AIG1: variants seen among roughly 807,000 people sequenced by gnomAD.
AIG1 encodes androgen-induced gene 1 protein.
In AIG1, 23 loss-of-function variants were observed where a neutral mutation model predicts 31.4. That is an observed-to-expected ratio of 0.73 (90% CI 0.53 to 1.04). The LOEUF is 1.04. AIG1 is among the 50% of genes least tolerant of loss of function. AIG1 has a pLI of 0.00. For missense variants in AIG1, 274 were observed against 295.0 expected (o/e 0.93, Z 0.52); for synonymous variants, 100 against 110.5 (o/e 0.90, Z 0.60).
rs575552551 is a variant in AIG1 at position 143,250,752 on chromosome 6, G to A, written c.400-33358G>A. Among the ~76,000 whole-genome samples the A allele has an allele frequency of 5.3e-5, 8 of 152,124 alleles. 1 individual carries two copies. The South Asian group carries it at 1.5e-3, about 28-fold the overall frequency. ...AACCCACAGCCCATGGGCCACTTGC[G>A]GCCCAGGACAGCTTTGAATGCACCC... is the stretch of plus-strand genomic sequence containing the variant. On this transcript the variant is annotated intron_variant, in intron 3 of 5. Transcript: ENST00000357847.
At chr6:143,105,173 C>T (rs1780689815) in intron 1 of AIG1, among the ~76,000 whole-genome samples, 1 of 152,152 alleles carries the variant, frequency 6.6e-6, no homozygotes, top group Admixed American at 6.5e-5. Flanking sequence ...CAGGGTAAGA[C>T]AGATGGTTAA....
intron 2 of AIG1, among the ~76,000 whole-genome samples, chr6:143,161,178 A>C (rs1177873580): frequency 1.3e-5 from 2 of 152,174 alleles, no homozygotes; most frequent in Non-Finnish European, 2.9e-5. Context: ...ATAATGACCA[A>C]AATCAACTCA....
At chr6:143,088,998 G>A (rs1038874879) in intron 1 of AIG1, among the ~76,000 whole-genome samples, 1 of 152,096 alleles carries the variant, frequency 6.6e-6, no homozygotes, top group African/African-American at 2.4e-5. Context: ...ATCACTGGAG[G>A]TCAGGAGTTC....
intron 4 of AIG1, among the ~76,000 whole-genome samples, chr6:143,312,121 A>G (rs1445469826): frequency 2.0e-5 from 3 of 152,122 alleles, no homozygotes; most frequent in African/African-American, 7.2e-5. Flanking sequence ...TATTATTAAA[A>G]TGTTCATACT....
In AIG1 at chr6:143,229,784, C is replaced by CAAAAAAAAAAAAAAAAAAAAAAAA. The variant is rs751464049; in HGVS notation, c.400-54306_400-54305insAAAAAAAAAAAAAAAAAAAAAAAA. On this transcript the variant is annotated intron_variant, in intron 3 of 5. Transcript: ENST00000357847. ...GCCTCTCGTTTCTGGACTCTCAGAA[C>CAAAAAAAAAAAAAAAAAAAAAAAA]AAAAAAAAAAAAAAAAAAAAGGATC... Among the ~76,000 whole-genome samples, 2 of 80,712 alleles carry CAAAAAAAAAAAAAAAAAAAAAAAA rather than the reference C, an allele frequency of 2.5e-5. 1 individual carries two copies. Among genetic ancestry groups the CAAAAAAAAAAAAAAAAAAAAAAAA allele is most frequent in the Non-Finnish European group, 5.7e-5 (2 of 34,954 alleles). 53.0% of individuals were successfully genotyped at this position (80,712 alleles called of 152,430 possible).
At position 143,291,922 on chromosome 6, in the gene AIG1, A is replaced by G. The variant is rs1416254486; in HGVS notation, c.515+7697A>G. Among the ~76,000 whole-genome samples, 2 of 152,242 alleles carry G rather than the reference A, an allele frequency of 1.3e-5. No individual in the cohort carries two copies. The highest frequency in any genetic ancestry group is 2.9e-5 in the Non-Finnish European group (2 of 68,042). On this transcript the variant is annotated intron_variant, in intron 4 of 5. Coordinates refer to ENST00000357847, the MANE Select transcript of AIG1 (RefSeq NM_016108.4). The surrounding 1 kb of genome is among the most constrained non-coding windows in gnomAD (Gnocchi z 4.2). ...ACATGAACTGAGACATTTCTAAGGA[A>G]TCACTTTGGCCAATGTGTTAAGAGT... is the stretch of plus-strand genomic sequence containing the variant.
chr6:143,165,242 G>T, intron 3 of AIG1, 59 bp downstream of exon 3: 1 of 1,337,192 alleles, frequency 7.5e-7, no homozygotes, highest in South Asian at 1.2e-5. Context: ...AAATAGCTAT[G>T]ATCTGCTATT....
intron 1 of AIG1, among the ~76,000 whole-genome samples, chr6:143,075,343 G>A (rs1777639563): frequency 6.6e-6 from 1 of 151,668 alleles, no homozygotes; most frequent in Admixed American, 6.6e-5. Flanking sequence ...TTTGAGAAAA[G>A]GTCTCACTCT....
intron 2 of AIG1, among the ~76,000 whole-genome samples, chr6:143,143,959 A>G (rs1784507531): frequency 6.6e-6 from 1 of 152,312 alleles, no homozygotes; most frequent in Admixed American, 6.5e-5. Flanking sequence ...TAGCTTTTCA[A>G]AAGACCAAGG....
intron 2 of AIG1, among the ~76,000 whole-genome samples, chr6:143,157,653 A>G (rs1489216904): frequency 2.0e-5 from 3 of 151,834 alleles, no homozygotes; most frequent in African/African-American, 7.3e-5. Flanking sequence ...TGCTGCCTCT[A>G]ATGTGACTTT....
chr6:143,159,483 T>C (rs939583249), intron 2 of AIG1, among the ~76,000 whole-genome samples: 43 of 152,268 alleles, frequency 2.8e-4, no homozygotes, highest in African/African-American at 9.6e-4. Context: ...GGCAATTTTC[T>C]ATGTGGAGAT....
In AIG1 at chr6:143,061,362, G is replaced by C. The variant is rs970742011; in HGVS notation, c.141+296G>C. On this transcript the variant is annotated intron_variant, in intron 1 of 5. Coordinates refer to ENST00000357847, the MANE Select transcript of AIG1 (RefSeq NM_016108.4). ...GGTGGGCTCTTTGGAGGGGGACACCGAACTGCTTCTAAGAGGTGACACGGG... is the reference window on the plus strand; with the variant it reads ...GGTGGGCTCTTTGGAGGGGGACACCCAACTGCTTCTAAGAGGTGACACGGG... 7 of 536,270 alleles carry C rather than the reference G, an allele frequency of 1.3e-5. No individual in the cohort carries two copies. The African/African-American group carries it at 1.3e-4, about 10-fold the overall frequency. The allele number at this position is 536,270 out of a possible 1,614,324, so 33.2% of individuals were successfully genotyped here.
At chr6:143,078,019 A>G (rs1045507097) in intron 1 of AIG1, among the ~76,000 whole-genome samples, 2 of 152,066 alleles carry the variant, frequency 1.3e-5, no homozygotes, top group African/African-American at 4.8e-5. Flanking sequence ...TTTTATTATC[A>G]TTCCATAGGT....
chr6:143,059,970 GA>G (rs1775666783), upstream of AIG1, among the ~76,000 whole-genome samples: 1 of 152,102 alleles, frequency 6.6e-6, no homozygotes. Flanking sequence ...TGTAGTGTAA[GA>G]AAAAAGTAAG....
chr6:143,096,412 CT>C (rs1271804122), intron 1 of AIG1, among the ~76,000 whole-genome samples: 1 of 152,190 alleles, frequency 6.6e-6, no homozygotes, highest in Non-Finnish European at 1.5e-5. Context: ...TAAGGTATCT[CT>C]TCTGAAATTT....
intron 2 of AIG1, among the ~76,000 whole-genome samples, chr6:143,138,570 C>T (rs533547096): frequency 7.5e-4 from 114 of 152,094 alleles, no homozygotes; most frequent in African/African-American, 1.8e-3. Context: ...TGGAAGCCTT[C>T]GTTGGCTAGA....
At chr6:143,211,127 C>T (rs1389171412) in intron 3 of AIG1, among the ~76,000 whole-genome samples, 1 of 152,108 alleles carries the variant, frequency 6.6e-6, no homozygotes, top group Non-Finnish European at 1.5e-5. Flanking sequence ...GATGGGGAAA[C>T]TGAGCCTTTG....
At chr6:143,168,922 C>G (rs560203912) in intron 3 of AIG1, among the ~76,000 whole-genome samples, 1 of 151,944 alleles carries the variant, frequency 6.6e-6, no homozygotes, top group Admixed American at 6.6e-5. Flanking sequence ...ATCAGTAGAG[C>G]GAACATTTTG....
At chr6:143,075,540 A>G (rs1777659753) in intron 1 of AIG1, among the ~76,000 whole-genome samples, 1 of 152,128 alleles carries the variant, frequency 6.6e-6, no homozygotes, top group African/African-American at 2.4e-5. Flanking sequence ...TCCTAGGCTC[A>G]AGCAATCCAC....
Sources: allele counts gnomAD v4.1 joint callset (sites outside exome capture counted in the v4.1 genomes callset), GRCh38; gene constraint gnomAD v4.1.1; non-coding constraint Gnocchi (gnomAD v3.1); transcripts MANE v1.5; gene names NCBI Gene and HGNC (gene_info 2026-07-23, HGNC 2026-07-21).